Variants in HYDIN observed in about 807,000 individuals in gnomAD.
HYDIN encodes the protein axonemal central pair apparatus protein HYDIN.
Under a neutral mutation model 403.9 loss-of-function variants are expected in HYDIN, and 132 were observed. The observed-to-expected ratio is 0.33, with a 90% confidence interval of 0.28 to 0.38. HYDIN has a LOEUF of 0.38. Ranked by LOEUF, HYDIN falls within the 10% of genes least tolerant of loss-of-function variation. The pLI is 1.00. For synonymous variants in HYDIN, 1,202 were observed against 1,891.7 expected (o/e 0.64, Z 9.46); for missense variants, 2,827 against 5,009.5 (o/e 0.56, Z 13.15).
At chr16:70,881,840 TCTACTTTCAGG>T (rs1264334067) in intron 60 of HYDIN, among the ~76,000 whole-genome samples, 1 of 152,214 alleles carries the variant, frequency 6.6e-6, no homozygotes, top group Non-Finnish European at 1.5e-5. Context: ...GGGCCCAGAT[TCTACTTTCAGG>T]CAGAGAACTG....
intron 7 of HYDIN, 128 bp from the exon 8 acceptor site, chr16:71,137,480 C>T (rs2084972934): frequency 1.8e-6 from 1 of 557,034 alleles, no homozygotes; most frequent in Non-Finnish European, 3.2e-6. Flanking sequence ...TTCCACTGTA[C>T]CCCCATCAGT....
At position 70,833,952 on chromosome 16, in the gene HYDIN, G is replaced by T; in HGVS notation, c.13614C>A (p.Pro4538=). ...SLDQEHIPFG[P]VVYQTQATRR... is the part of the protein sequence containing the mutation. The stretch of plus-strand genomic sequence containing the variant: ...GTGTGGCTTGCGTCTGATACACCAC[G>T]GGTCCAAAGGGAATATGTTCCTGGT... Residue 4538 remains proline (P), a synonymous_variant, in exon 79 of 86, where the codon CCC becomes CCA. Coordinates refer to ENST00000393567, the MANE Select transcript of HYDIN (RefSeq NM_001270974.2). The T allele has an allele frequency of 6.2e-7, 1 of 1,613,270 alleles. No homozygotes were observed. The highest frequency in any genetic ancestry group is 1.3e-5 in the African/African-American group (1 of 74,998).
At position 71,187,047 on chromosome 16, in the gene HYDIN, G is replaced by A. The variant is rs1567426627; in HGVS notation, c.-23-129C>T. On this transcript the variant is annotated intron_variant, in intron 1 of 85. Transcript: ENST00000393567. ...CTGATCTTCCGAAATCCAAATGCTT[G>A]GAACAAATATCTCAACAAAGGATTC... 2.6e-5 allele frequency: 15 copies of A among 575,178 alleles called. 1 individual carries two copies. The highest frequency in any genetic ancestry group is 2.6e-5 in the South Asian group (1 of 37,748). The allele number at this position is 575,178 out of a possible 1,614,324, so 35.6% of individuals were successfully genotyped here.
At chr16:70,894,709 C>T (rs2041688611) in intron 54 of HYDIN, among the ~76,000 whole-genome samples, 161 bp from the exon 55 acceptor site, 2 of 138,610 alleles carry the variant, frequency 1.4e-5, no homozygotes, top group Non-Finnish European at 1.5e-5. Context: ...ATAATTGAAT[C>T]TGGGCAAACA....
In HYDIN at chr16:71,088,515, A is replaced by T; in HGVS notation, c.1456T>A (p.Tyr486Asn). Reference sequence around the variant, plus strand: ...AGAGCATCGATGCTGCCTTTGTTGTACAGTATCGCCTATATCAATAAAAGG... The same window carrying T: ...AGAGCATCGATGCTGCCTTTGTTGTTCAGTATCGCCTATATCAATAAAAGG... ...GSAHCYEAIL[Y>N]NKGSIDALFN... Residue 486 changes from tyrosine to asparagine, a missense_variant, in exon 12 of 86, where the codon TAC becomes AAC. Coordinates refer to ENST00000393567, the MANE Select transcript of HYDIN (RefSeq NM_001270974.2). The T allele has an allele frequency of 1.5e-6, 1 of 658,886 alleles. No individual in the cohort carries two copies. The highest frequency in any genetic ancestry group is 2.7e-6 in the Non-Finnish European group (1 of 370,164). The allele number at this position is 658,886 out of a possible 1,614,324, so 40.8% of individuals were successfully genotyped here.
chr16:71,177,496 G>GA (rs1475662545), intron 4 of HYDIN, among the ~76,000 whole-genome samples: 2 of 152,110 alleles, frequency 1.3e-5, no homozygotes, highest in East Asian at 1.9e-4. Flanking sequence ...CTGCAGAAAA[G>GA]AATGAAACAG....
At chr16:71,201,058 A>C (rs1242652594) in intron 1 of HYDIN, among the ~76,000 whole-genome samples, 1 of 152,136 alleles carries the variant, frequency 6.6e-6, no homozygotes, top group Non-Finnish European at 1.5e-5. Flanking sequence ...AACAGCACTT[A>C]ATCTAGAAAT....
intron 16 of HYDIN, chr16:71,062,580 G>A (rs143814159): frequency 1.8e-5 from 7 of 396,030 alleles, no homozygotes; most frequent in Admixed American, 8.3e-5. Flanking sequence ...ACTCAAATAA[G>A]TTCAGGGCAA....
At position 71,012,678 on chromosome 16, in the gene HYDIN, C is replaced by T. The variant is rs1342004259; in HGVS notation, c.3644+5451G>A. Reference sequence around the variant, plus strand: ...TCTAATAAAAGAAAAAGAAAACCCTCTCTTACACTTCTGTTTCTTTTACTA... The same window carrying T: ...TCTAATAAAAGAAAAAGAAAACCCTTTCTTACACTTCTGTTTCTTTTACTA... On this transcript the variant is annotated intron_variant, in intron 23 of 85. Transcript: ENST00000393567. Among the ~76,000 whole-genome samples, 3 of 152,298 alleles carry T rather than the reference C, an allele frequency of 2.0e-5. No homozygotes were observed. In the East Asian group the frequency reaches 5.8e-4, roughly 29 times the overall value.
chr16:71,174,474 T>C (rs2086588352), intron 5 of HYDIN, among the ~76,000 whole-genome samples: 1 of 152,182 alleles, frequency 6.6e-6, no homozygotes, highest in African/African-American at 2.4e-5. Context: ...GCTATTAACA[T>C]GATACACAGC....
intron 5 of HYDIN, among the ~76,000 whole-genome samples, chr16:71,174,178 T>G (rs549144084): frequency 1.3e-4 from 20 of 152,182 alleles, no homozygotes; most frequent in Non-Finnish European, 2.5e-4. Context: ...AACATATAAA[T>G]GGTAATACTA....
At chr16:71,193,510 C>T (rs970972673) in intron 1 of HYDIN, among the ~76,000 whole-genome samples, 2 of 152,030 alleles carry the variant, frequency 1.3e-5, no homozygotes, top group Admixed American at 6.5e-5. Flanking sequence ...AGATTTGCAC[C>T]ATTGAATTCT....
In HYDIN at chr16:70,809,930, CAA is replaced by C; in HGVS notation, c.14734_14735del (p.Leu4912GlyfsTer6). 1 of 1,614,150 alleles carries C rather than the reference CAA, an allele frequency of 6.2e-7. No homozygotes were observed. Among genetic ancestry groups the C allele is most frequent in the Non-Finnish European group, 8.5e-7 (1 of 1,180,030 alleles). ...GATAGAGCTCATATTGGTAGTAACC[CAA>C]GTCAGTGTTGTGCAAAGTTAGTCTT... ...FGRLTLHNTD[L>X]GYYQYELYLK... On this transcript the variant is annotated frameshift_variant, in exon 85 of 86. Transcript: ENST00000393567. LOFTEE classifies it high-confidence loss of function.
rs777384614 is a variant in HYDIN at position 70,879,423 on chromosome 16, C to T, written c.10431G>A (p.Val3477=). The change falls in exon 62 of 86, where the codon GTG becomes GTA. Residue 3477 remains valine, a synonymous_variant. Coordinates refer to ENST00000393567, the MANE Select transcript of HYDIN (RefSeq NM_001270974.2). ...TATGAAGAACTGGCCGCACAACCGT[C>T]ACTCGAGGGAGGTTCCCCTCACCAG... is the stretch of plus-strand genomic sequence containing the variant. The part of the protein sequence containing the change: ...DIAGEGNLPR[V]TVVRPVLHNQ... 6.2e-7 allele frequency: 1 copy of T among 1,611,208 alleles called. No individual in the cohort carries two copies. The highest frequency in any genetic ancestry group is 1.1e-5 in the South Asian group (1 of 90,770).
chr16:71,043,540 T>G (rs2081353053), intron 18 of HYDIN, among the ~76,000 whole-genome samples: 1 of 150,472 alleles, frequency 6.6e-6, no homozygotes, highest in African/African-American at 2.4e-5. Context: ...AATTTTAAAC[T>G]TCTGGCATTA....
intron 76 of HYDIN, 26 bp from the exon 77 acceptor site, chr16:70,837,914 G>A (rs1212565754): frequency 4.4e-6 from 7 of 1,601,456 alleles, no homozygotes; most frequent in African/African-American, 2.7e-5. Flanking sequence ...AGGAAGAGGC[G>A]TAAGCTCCAA....
rs753130377 is a variant in HYDIN, at chr16:70,818,362, C to A, written c.14638G>T (p.Val4880Leu). ...CGTACCTCGGAGTTGGCAGGCACCA[C>A]AAACTGGGAGGGCAGGGCGATGTCG... ...MPDIALPSQF[V>L]VPANSEGTFS... The change falls in exon 84 of 86, where the codon GTG becomes TTG. Residue 4880 changes from valine to leucine, a missense_variant. Coordinates refer to ENST00000393567, the MANE Select transcript of HYDIN (RefSeq NM_001270974.2). 6.2e-7 allele frequency: 1 copy of A among 1,613,516 alleles called. No homozygotes were observed. The highest frequency in any genetic ancestry group is 8.5e-7 in the Non-Finnish European group (1 of 1,179,702).
chr16:71,177,072 A>T (rs1174861928), intron 4 of HYDIN, among the ~76,000 whole-genome samples: 1 of 152,210 alleles, frequency 6.6e-6, no homozygotes, highest in Non-Finnish European at 1.5e-5. Flanking sequence ...GCCTCTTGGT[A>T]GCTGGGCGTT....
At chr16:70,811,502 T>C (rs1443890953) in intron 84 of HYDIN, 3 of 151,200 alleles carry the variant, frequency 2.0e-5, no homozygotes, top group African/African-American at 7.3e-5. Flanking sequence ...GTTATAGTTG[T>C]TTAACAAAAA....
Sources: gnomAD v4.1 joint callset for allele counts (sites outside exome capture counted in the v4.1 genomes callset) on GRCh38, gnomAD v4.1.1 for gene constraint, MANE v1.5 for transcripts, NCBI Gene and HGNC (gene_info 2026-07-23, HGNC 2026-07-21) for gene names.